The following GUCY2D variants were observed in gnomAD, a reference collection of about 807,000 sequenced individuals.
GUCY2D encodes the protein guanylate cyclase 2D, retinal, also known as retinal guanylyl cyclase 1.
GUCY2D carries 70 observed loss-of-function variants against 101.3 expected under a neutral mutation model. The observed-to-expected ratio is 0.69, with a 90% CI of 0.57 to 0.84. GUCY2D has a LOEUF of 0.84. Ranked by LOEUF, GUCY2D falls within the 40% of genes least tolerant of loss-of-function variation. The pLI, the probability that GUCY2D is intolerant of heterozygous loss-of-function variation, is 0.00. For missense variants in GUCY2D, 1,460 were observed against 1,542.5 expected (o/e 0.95, Z 0.90); for synonymous variants, 688 against 670.7 (o/e 1.03, Z -0.40).
rs764905877 is a variant in GUCY2D, at chr17:8,003,987, C to T, written c.857C>T (p.Ser286Phe). The T allele has an allele frequency of 3.7e-6, 6 of 1,613,508 alleles. No homozygotes were observed. In the African/African-American group the frequency reaches 5.3e-5, roughly 14 times the overall value. Residue 286 changes from serine (S) to phenylalanine (F), a missense_variant, in exon 3 of 20, where the codon TCC becomes TTC. Ser to Phe is a radical substitution (Grantham distance 155). Around this residue, in one of 3 missense-constraint regions of GUCY2D, gnomAD observed 1,196 missense variants for 1,229.6 expected, o/e 0.97. Coordinates refer to ENST00000254854, the MANE Select transcript of GUCY2D (RefSeq NM_000180.4). Reference sequence around the variant, plus strand: ...TTCGACACGATCCACTACGCCTTGTCCCCAGGCCCGGAGGCCTTGGCCGCA... The same window carrying T: ...TTCGACACGATCCACTACGCCTTGTTCCCAGGCCCGGAGGCCTTGGCCGCA... ...LPFDTIHYAL[S>F]PGPEALAALA...
In GUCY2D at chr17:8,011,059, C is replaced by T. The variant is rs772235737; in HGVS notation, c.1750-1085C>T. On this transcript the variant is annotated intron_variant, in intron 8 of 19. Coordinates refer to ENST00000254854, the MANE Select transcript of GUCY2D (RefSeq NM_000180.4). This position sits in a 1 kb window ranked among gnomAD's most constrained non-coding sequence, Gnocchi z 4.3. ...AGCCCCCGGCCAGGTTGCAGGCACACGCCATTTCTGGTGTCCTTTGAAAGT... is the reference window on the plus strand; with the variant it reads ...AGCCCCCGGCCAGGTTGCAGGCACATGCCATTTCTGGTGTCCTTTGAAAGT... Among the ~76,000 whole-genome samples the T allele has an allele frequency of 7.9e-5, 12 of 151,996 alleles. No homozygotes were observed. Among genetic ancestry groups the T allele is most frequent in the African/African-American group, 1.7e-4 (7 of 41,382 alleles).
At chr17:8,015,102 G>T (rs563853837) in intron 14 of GUCY2D, 51 bp downstream of exon 14, 13 of 1,506,284 alleles carry the variant, frequency 8.6e-6, no homozygotes, top group Non-Finnish European at 1.2e-5. Flanking sequence ...AGCTTCACCA[G>T]CCTCCAGCCC....
Position 8,009,577 on chromosome 17 carries a change from C to G in GUCY2D, c.1740C>G (p.Ala580=), listed in dbSNP as rs1193947677. ...CTATCCGCCCAGCAACCAAGACGGCCTTCTCCAAGGTGAGACTTGGGCCTG... is the reference window on the plus strand; with the variant it reads ...CTATCCGCCCAGCAACCAAGACGGCGTTCTCCAAGGTGAGACTTGGGCCTG... ...HIAIRPATKT[A]FSKLQELRHE... The change falls in exon 8 of 20, where the codon GCC becomes GCG. Residue 580 remains alanine, a synonymous_variant. Coordinates refer to ENST00000254854, the MANE Select transcript of GUCY2D (RefSeq NM_000180.4). The G allele has an allele frequency of 4.3e-6, 7 of 1,611,440 alleles. No individual in the cohort carries two copies. The highest frequency in any genetic ancestry group is 4.2e-6 in the Non-Finnish European group (5 of 1,177,636).
chr17:8,006,355 T>A lies in GUCY2D; in HGVS notation c.1027-8T>A. 1 of 1,598,152 alleles carries A rather than the reference T, an allele frequency of 6.3e-7. No individual in the cohort carries two copies. Among genetic ancestry groups the A allele is most frequent in the Non-Finnish European group, 8.5e-7 (1 of 1,178,290 alleles). On this transcript the variant is annotated splice_polypyrimidine_tract_variant and splice_region_variant and intron_variant, in intron 3 of 19. Coordinates refer to ENST00000254854, the MANE Select transcript of GUCY2D (RefSeq NM_000180.4). ...CCCGACCTCTGAGCCCCTACTCTCC[T>A]TCTCCAGGTCTCCCCACTCTTTGGC...
rs11655487 is a variant in GUCY2D, at chr17:8,014,380, T to A, written c.2413-221T>A. ...GTGCCCTGTCAATTACTAGCTGAGA[T>A]CAACTGACCTCTGGGAACCCTCATT... On this transcript the variant is annotated intron_variant, in intron 12 of 19. Coordinates refer to ENST00000254854, the MANE Select transcript of GUCY2D (RefSeq NM_000180.4). This position sits in a 1 kb window ranked among gnomAD's most constrained non-coding sequence, Gnocchi z 4.0. 375,816 of 622,526 alleles carry A rather than the reference T, an allele frequency of 0.6. 119,558 individuals carry two copies. Among genetic ancestry groups the A allele is most frequent in the East Asian group, 0.93 (33,121 of 35,692 alleles). 38.6% of individuals were successfully genotyped at this position (622,526 alleles called of 1,614,324 possible). A position where few individuals can be genotyped will look rare whatever the true frequency, so the allele number is the denominator to read the frequency against.
chr17:8,006,950 TG>T, intron 4 of GUCY2D, 109 bp from the exon 5 acceptor site: 1 of 931,054 alleles, frequency 1.1e-6, no homozygotes, highest in Non-Finnish European at 1.7e-6. Flanking sequence ...AGAGCCTCTC[TG>T]GGCCCCCATC....
At chr17:8,012,066 C>A in intron 8 of GUCY2D, 78 bp from the exon 9 acceptor site, 2 of 1,040,464 alleles carry the variant, frequency 1.9e-6, no homozygotes, top group South Asian at 1.3e-5. Context: ...TCTGGATACT[C>A]AAAAACAGAT....
At chr17:8,019,312 C>T (rs960394530) in intron 19 of GUCY2D, among the ~76,000 whole-genome samples, 2 of 152,176 alleles carry the variant, frequency 1.3e-5, no homozygotes, top group Admixed American at 6.5e-5. Flanking sequence ...TTTCGGCTGC[C>T]TCAAGGAAGA....
intron 19 of GUCY2D, among the ~76,000 whole-genome samples, chr17:8,019,033 T>C (rs1273072883): frequency 1.3e-5 from 2 of 152,148 alleles, no homozygotes; most frequent in Non-Finnish European, 2.9e-5. Flanking sequence ...ATACGATGAA[T>C]TAAAGATTAA....
chr17:8,012,661 C>A (rs773886266), intron 10 of GUCY2D, 55 bp downstream of exon 10: 75 of 1,422,690 alleles, frequency 5.3e-5, no homozygotes, highest in Non-Finnish European at 7.3e-5. Flanking sequence ...ATTTCAAGGG[C>A]TTCTCCCCCG....
In GUCY2D at chr17:8,014,946, C is replaced by T. The variant is rs764336613; in HGVS notation, c.2664C>T (p.Gly888=). ...QVTLYFSDIV[G]FTTISAMSEP... ...CACTGTACTTTAGTGACATTGTGGG[C>T]TTCACCACCATCTCTGCCATGAGTG... is the stretch of plus-strand genomic sequence containing the variant. The change falls in exon 14 of 20, where the codon GGC becomes GGT. Residue 888 remains glycine (G), a synonymous_variant. Coordinates refer to ENST00000254854, the MANE Select transcript of GUCY2D (RefSeq NM_000180.4). The surrounding 1 kb of genome is among the most constrained non-coding windows in gnomAD (Gnocchi z 4.0). 8.1e-6 allele frequency: 13 copies of T among 1,613,896 alleles called. No individual in the cohort carries two copies. The highest frequency in any genetic ancestry group is 1.7e-5 in the Admixed American group (1 of 60,000).
In GUCY2D at chr17:8,013,228, G is replaced by A. The variant is rs1160429343; in HGVS notation, c.2239G>A (p.Ala747Thr). 6.2e-7 allele frequency: 1 copy of A among 1,614,120 alleles called. No homozygotes were observed. Among genetic ancestry groups the A allele is most frequent in the East Asian group, 2.2e-5 (1 of 44,872 alleles). The change falls in exon 11 of 20, where the codon GCC (alanine) becomes ACC (threonine). Residue 747 changes from alanine (A) to threonine (T), a missense_variant. Ala to Thr is a moderately conservative substitution (Grantham distance 58). Transcript: ENST00000254854. This position sits in a 1 kb window ranked among gnomAD's most constrained non-coding sequence, Gnocchi z 5.0. ...QEVVCRSAPY[A>T]MLELTPEEVV... ...AGTAGTGTGCCGCAGTGCCCCTTAT[G>A]CCATGCTGGAGCTCACTCCCGAGGG...
intron 8 of GUCY2D, among the ~76,000 whole-genome samples, chr17:8,010,094 A>T (rs1975820961): frequency 6.6e-6 from 1 of 152,002 alleles, no homozygotes; most frequent in South Asian, 2.1e-4. Flanking sequence ...TTGTATGTTC[A>T]TCTGTCTGCC....
chr17:8,012,499 C>A lies in GUCY2D; in HGVS notation c.2006C>A (p.Ser669Ter). ...HRGVAHGRLK[S>*]RNCIVDGRFV... ...GGCGTGGCTCATGGGCGGCTGAAGTCACGGAACTGCATAGTGGATGGCAGA... is the reference window on the plus strand; with the variant it reads ...GGCGTGGCTCATGGGCGGCTGAAGTAACGGAACTGCATAGTGGATGGCAGA... The change falls in exon 10 of 20, where the codon TCA (serine) becomes TAA (stop). Residue 669 changes from serine (S) to a stop codon, truncating the protein, a stop_gained. Transcript: ENST00000254854. LOFTEE classifies it high-confidence loss of function. The A allele has an allele frequency of 6.2e-7, 1 of 1,613,974 alleles. No individual in the cohort carries two copies. Among genetic ancestry groups the A allele is most frequent in the Non-Finnish European group, 8.5e-7 (1 of 1,179,898 alleles).
At position 8,013,902 on chromosome 17, in the gene GUCY2D, C is replaced by A. The variant is rs777306136; in HGVS notation, c.2286C>A (p.Ser762Arg). 5.0e-6 allele frequency: 8 copies of A among 1,612,884 alleles called. No individual in the cohort carries two copies. In the South Asian group the frequency reaches 6.6e-5, roughly 13 times the overall value. Residue 762 changes from serine to arginine, a missense_variant, in exon 12 of 20, where the codon AGC (serine) becomes AGA (arginine). By Grantham distance (110) the Ser-to-Arg change is moderately radical. Coordinates refer to ENST00000254854, the MANE Select transcript of GUCY2D (RefSeq NM_000180.4). The surrounding 1 kb of genome is among the most constrained non-coding windows in gnomAD (Gnocchi z 5.0). The part of the protein sequence containing the change: ...TPEEVVQRVR[S>R]PPPLCRPLVS... ...CAGAAGTGGTGCAGAGGGTGCGGAG[C>A]CCCCCTCCACTGTGTCGGCCCTTGG...
In GUCY2D at chr17:8,006,722, C is replaced by A. The variant is rs1457493139; in HGVS notation, c.1378+8C>A. 3 of 1,589,042 alleles carry A rather than the reference C, an allele frequency of 1.9e-6. No individual in the cohort carries two copies. The highest frequency in any genetic ancestry group is 1.3e-5 in the African/African-American group (1 of 74,502). Reference sequence around the variant, plus strand: ...ACAACATCTGCGGTGGAGGTGAGGGCGAGCACCCCAGTCCCCACTGAGACA... The same window carrying A: ...ACAACATCTGCGGTGGAGGTGAGGGAGAGCACCCCAGTCCCCACTGAGACA... On this transcript the variant is annotated splice_region_variant and intron_variant, in intron 4 of 19. Transcript: ENST00000254854.
Position 8,013,285 on chromosome 17 carries a change from C to T in GUCY2D, c.2263+33C>T, listed in dbSNP as rs754193560. On this transcript the variant is annotated intron_variant, in intron 11 of 19. Coordinates refer to ENST00000254854, the MANE Select transcript of GUCY2D (RefSeq NM_000180.4). The surrounding 1 kb of genome is among the most constrained non-coding windows in gnomAD (Gnocchi z 5.0). ...TGCCCTGTGCGTGGAGTTCGGCCCACAGGGGCACCCTGCAGTTAGAAAAGA... is the reference window on the plus strand; with the variant it reads ...TGCCCTGTGCGTGGAGTTCGGCCCATAGGGGCACCCTGCAGTTAGAAAAGA... The T allele has an allele frequency of 1.2e-6, 2 of 1,608,182 alleles. No individual in the cohort carries two copies. The highest frequency in any genetic ancestry group is 1.7e-6 in the Non-Finnish European group (2 of 1,175,370).
chr17:8,012,048 C>T, intron 8 of GUCY2D, 96 bp from the exon 9 acceptor site: 2 of 857,158 alleles, frequency 2.3e-6, no homozygotes, highest in Non-Finnish European at 4.0e-6. Context: ...AAAATCTCAT[C>T]TTCTGGGTCT....
chr17:8,005,815 A>G (rs931721643), intron 3 of GUCY2D, among the ~76,000 whole-genome samples: 25 of 152,244 alleles, frequency 1.6e-4, no homozygotes, highest in African/African-American at 5.8e-4. Flanking sequence ...AGAGATGGCA[A>G]CTGGGAATAA....
Sources: allele counts gnomAD v4.1 joint callset (sites outside exome capture counted in the v4.1 genomes callset), GRCh38; gene constraint gnomAD v4.1.1; regional missense constraint gnomAD v4.1.1; non-coding constraint Gnocchi (gnomAD v3.1); transcripts MANE v1.5; gene names NCBI Gene and HGNC (gene_info 2026-07-23, HGNC 2026-07-21).